RPSA2: variants seen among roughly 807,000 people sequenced by gnomAD.
The protein encoded by RPSA2 is small ribosomal subunit protein uS2B.
At chr19:23,770,516 A>G in the RPSA2 span, among the ~76,000 whole-genome samples, 1 of 152,208 alleles carries the variant, frequency 6.6e-6, no homozygotes, top group East Asian at 1.9e-4. Context: ...TTCAACACCC[A>G]TGAAATGGAG....
the RPSA2 span, among the ~76,000 whole-genome samples, chr19:23,776,554 C>T: frequency 1.3e-5 from 2 of 152,106 alleles, no homozygotes; most frequent in African/African-American, 4.8e-5. Context: ...TTGGGTTCTG[C>T]CTGCAGGAGC....
At chr19:23,835,946 T>G in the RPSA2 span, among the ~76,000 whole-genome samples, 3 of 152,194 alleles carry the variant, frequency 2.0e-5, no homozygotes, top group African/African-American at 7.2e-5. Context: ...TGTAATAGTT[T>G]ATGAAGTATT....
chr19:23,834,047 T>G, the RPSA2 span, among the ~76,000 whole-genome samples: 2 of 152,066 alleles, frequency 1.3e-5, no homozygotes, highest in Non-Finnish European at 2.9e-5. Flanking sequence ...TGAAAGATAT[T>G]TAATCCAAAA....
chr19:23,863,129 G>C, the RPSA2 span, among the ~76,000 whole-genome samples: 1 of 152,036 alleles, frequency 6.6e-6, no homozygotes, highest in East Asian at 1.9e-4. Context: ...GTCTAGCGCA[G>C]GTAGAAGAGA....
At chr19:23,826,833 G>A in the RPSA2 span, among the ~76,000 whole-genome samples, 148,415 of 151,802 alleles carry the variant, frequency 0.98, 72,641 homozygotes, top group Middle Eastern at 1. Context: ...TTACAGGCAC[G>A]TGCCAACACG....
chr19:23,814,187 G>A, the RPSA2 span, among the ~76,000 whole-genome samples: 1 of 147,702 alleles, frequency 6.8e-6, no homozygotes, highest in African/African-American at 2.5e-5. Context: ...ATTCCAGCCT[G>A]GGCAACAGAG....
At chr19:23,768,647 G>C in the RPSA2 span, among the ~76,000 whole-genome samples, 3 of 30,700 alleles carry the variant, frequency 9.8e-5, no homozygotes, top group Admixed American at 7.9e-4. Flanking sequence ...GAGTGCAGTG[G>C]TACAATCTTG....
At chr19:23,845,099 C>T in the RPSA2 span, among the ~76,000 whole-genome samples, 2 of 6,394 alleles carry the variant, frequency 3.1e-4, no homozygotes, top group South Asian at 5.4e-3. Flanking sequence ...GCTGTTGTAT[C>T]CATTGTAATG....
At chr19:23,785,801 A>G in the RPSA2 span, among the ~76,000 whole-genome samples, 1 of 152,160 alleles carries the variant, frequency 6.6e-6, no homozygotes, top group Non-Finnish European at 1.5e-5. Context: ...CAAACCATCT[A>G]ATAGGAGAGG....
chr19:23,763,312 A>G, the RPSA2 span, among the ~76,000 whole-genome samples: 2 of 152,202 alleles, frequency 1.3e-5, no homozygotes, highest in African/African-American at 2.4e-5. Flanking sequence ...CCCAGCGTCC[A>G]GCCCCGTCCG....
the RPSA2 span, among the ~76,000 whole-genome samples, chr19:23,855,544 T>G: frequency 6.6e-6 from 1 of 152,124 alleles, no homozygotes; most frequent in East Asian, 1.9e-4. Flanking sequence ...TTTGGCATAA[T>G]AAGCGTTGGG....
At chr19:23,822,974 G>C in the RPSA2 span, among the ~76,000 whole-genome samples, 3,327 of 152,258 alleles carry the variant, frequency 0.022, 129 homozygotes, top group African/African-American at 0.076. Flanking sequence ...CCATGCAGGT[G>C]GAGTCTGTAC....
the RPSA2 span, among the ~76,000 whole-genome samples, chr19:23,808,548 C>CAG: frequency 6.6e-6 from 1 of 152,020 alleles, no homozygotes; most frequent in South Asian, 2.1e-4. Context: ...TGAGCCACTG[C>CAG]GCCTGACCAA....
At chr19:23,836,876 A>G in the RPSA2 span, among the ~76,000 whole-genome samples, 12 of 152,104 alleles carry the variant, frequency 7.9e-5, no homozygotes, top group African/African-American at 2.9e-4. Context: ...CAGATTCTGT[A>G]TATTAGTCCT....
the RPSA2 span, chr19:23,762,982 G>T: frequency 4.6e-5 from 7 of 152,332 alleles, no homozygotes; most frequent in African/African-American, 1.7e-4. Context: ...ATTCCGCGGG[G>T]TCTTTACCTC....
At chr19:23,807,211 T>C in the RPSA2 span, among the ~76,000 whole-genome samples, 5 of 152,290 alleles carry the variant, frequency 3.3e-5, no homozygotes, top group African/African-American at 1.2e-4. Context: ...CTTTCTTTGG[T>C]AAATGAAAGC....
the RPSA2 span, among the ~76,000 whole-genome samples, chr19:23,781,536 A>G: frequency 6.6e-6 from 1 of 150,418 alleles, no homozygotes; most frequent in Non-Finnish European, 1.5e-5. Context: ...ATGGGGTTTC[A>G]CCATGTTGGT....
the RPSA2 span, among the ~76,000 whole-genome samples, chr19:23,866,619 C>T: frequency 6.6e-6 from 1 of 151,478 alleles, no homozygotes; most frequent in African/African-American, 2.4e-5. Context: ...AATAGCACCC[C>T]CTGTCAGGAA....
chr19:23,770,956 T>C, the RPSA2 span, among the ~76,000 whole-genome samples: 5 of 152,214 alleles, frequency 3.3e-5, no homozygotes, highest in South Asian at 2.1e-4. Flanking sequence ...GGTGCAATAA[T>C]GACTCTCATA....
Sources: gnomAD v4.1 joint callset for allele counts (sites outside exome capture counted in the v4.1 genomes callset) on GRCh38, gnomAD v4.1.1 for gene constraint, MANE v1.5 for transcripts, NCBI Gene and HGNC (gene_info 2026-07-23, HGNC 2026-07-21) for gene names.